ANKMY1: variants seen among roughly 807,000 people sequenced by gnomAD.
ANKMY1 encodes ankyrin repeat and MYND domain containing 1.
ANKMY1 carries 98 observed loss-of-function variants against 102.0 expected under a neutral mutation model. That is an observed-to-expected ratio of 0.96 (90% confidence interval 0.82 to 1.14). ANKMY1 has a LOEUF of 1.14. Ranked by LOEUF, ANKMY1 falls within the 50% of genes most tolerant of loss-of-function variation. The pLI is 0.00. For missense variants in ANKMY1, 1,330 were observed against 1,347.6 expected, an observed-to-expected ratio of 0.99 and a Z score of 0.20; for synonymous variants, 582 against 559.9, an observed-to-expected ratio of 1.04 and a Z score of -0.56.
chr2:240,479,723 T>A lies in ANKMY1; in HGVS notation c.3047-68A>T. On this transcript the variant is annotated intron_variant, in intron 17 of 17. Transcript: ENST00000401804. ...GAGCTGGCCTCCCCCGAGGCCTGGC[T>A]CCAGAACTCGGGCTGTGTGGGGCGG... 2.1e-6 allele frequency: 3 copies of A among 1,458,126 alleles called. No homozygotes were observed. The Admixed American group carries it at 5.0e-5, about 25-fold the overall frequency. 90.3% of individuals were successfully genotyped at this position (1,458,126 alleles called of 1,614,324 possible).
the ANKMY1 span, among the ~76,000 whole-genome samples, chr2:240,471,753 C>T: frequency 2.0e-5 from 3 of 152,286 alleles, no homozygotes; most frequent in South Asian, 6.2e-4. Context: ...GCTGGGAAAT[C>T]CTGATGGAGC....
intron 15 of ANKMY1, among the ~76,000 whole-genome samples, chr2:240,498,846 G>A (rs76340265): frequency 0.02 from 2,977 of 152,150 alleles, 93 homozygotes; most frequent in African/African-American, 0.068. Context: ...GGACACCCCC[G>A]CCTTCTCTCT....
chr2:240,557,359 G>A lies in ANKMY1; in HGVS notation c.-17-7C>T, dbSNP rs2092469069. ...ATGTCTGTGGTCTTCCAACCTGCAA[G>A]CGACGTCAGGACCGCACATGTGCCC... On this transcript the variant is annotated splice_polypyrimidine_tract_variant and splice_region_variant and intron_variant, in intron 1 of 17. Coordinates refer to ENST00000401804, the MANE Select transcript of ANKMY1 (RefSeq NM_001282771.3). 5 of 1,497,838 alleles carry A rather than the reference G, an allele frequency of 3.3e-6. No homozygotes were observed. The South Asian group carries it at 6.4e-5, about 19-fold the overall frequency. 92.8% of individuals were successfully genotyped at this position (1,497,838 alleles called of 1,614,324 possible). A position where few individuals can be genotyped will look rare whatever the true frequency, so the allele number is the denominator to read the frequency against.
intron 4 of ANKMY1, among the ~76,000 whole-genome samples, chr2:240,545,731 G>T (rs988609744): frequency 6.6e-6 from 1 of 152,144 alleles, no homozygotes; most frequent in Non-Finnish European, 1.5e-5. Flanking sequence ...CTCAGGAGCC[G>T]ATGCGATCAA....
rs962266519 is a variant in ANKMY1, at chr2:240,480,953, C to T, written c.3030G>A (p.Gly1010=). ...AWTEFHKKDC[G]DLVAIVTQLE... ...CCGACCTACCGATGGCCACCAGGTC[C>T]CCGCAGTCCTTCTTGTGGAACTCGG... The change falls in exon 17 of 18, where the codon GGG becomes GGA. Residue 1010 remains glycine (G), a synonymous_variant. Transcript: ENST00000401804. 1.9e-6 allele frequency: 3 copies of T among 1,610,378 alleles called. No homozygotes were observed. The highest frequency in any genetic ancestry group is 3.3e-5 in the Admixed American group (2 of 59,954).
intron 4 of ANKMY1, among the ~76,000 whole-genome samples, chr2:240,545,694 C>T (rs965789801): frequency 3.3e-5 from 5 of 151,988 alleles, no homozygotes; most frequent in African/African-American, 7.3e-5. Flanking sequence ...AACCAAGGCT[C>T]GAGAACTACG....
In ANKMY1 at chr2:240,512,870, G is replaced by A; in HGVS notation, c.2077C>T (p.Leu693=). 1 of 1,614,084 alleles carries A rather than the reference G, an allele frequency of 6.2e-7. No individual in the cohort carries two copies. Among genetic ancestry groups the A allele is most frequent in the Non-Finnish European group, 8.5e-7 (1 of 1,180,002 alleles). The change falls in exon 10 of 18, where the codon CTG becomes TTG. Residue 693 remains leucine, a synonymous_variant. Coordinates refer to ENST00000401804, the MANE Select transcript of ANKMY1 (RefSeq NM_001282771.3). ...TCCACATCGGTGATGGCATGCAACA[G>A]CAGCTCCACAATCTGTACCCCCTCC... ...GEEGVQIVEL[L]LHAITDVDAK...
downstream of ANKMY1, among the ~76,000 whole-genome samples, chr2:240,475,014 T>C (rs569794280): frequency 6.6e-6 from 1 of 152,254 alleles, no homozygotes; most frequent in South Asian, 2.1e-4. Flanking sequence ...CTTTCCACAA[T>C]GGCTGAACTA....
At chr2:240,523,765 G>C (rs2082783058) in intron 8 of ANKMY1, 120 bp downstream of exon 8, 1 of 1,428,824 alleles carries the variant, frequency 7.0e-7, no homozygotes, top group Non-Finnish European at 9.3e-7. Context: ...CACACATTCA[G>C]ACACACATCT....
intron 15 of ANKMY1, among the ~76,000 whole-genome samples, chr2:240,485,481 A>G (rs1406975644): frequency 6.6e-6 from 1 of 152,242 alleles, no homozygotes; most frequent in Non-Finnish European, 1.5e-5. Context: ...ATCTAGAACA[A>G]GTGGATTATT....
chr2:240,475,204 C>G (rs1479041784), downstream of ANKMY1, among the ~76,000 whole-genome samples: 1 of 152,150 alleles, frequency 6.6e-6, no homozygotes, highest in Admixed American at 6.5e-5. Flanking sequence ...TGCTTGTTGG[C>G]TAGATACATA....
rs1252672130 is a variant in ANKMY1 at position 240,512,075 on chromosome 2, G to A, written c.2146-74C>T. On this transcript the variant is annotated intron_variant, in intron 10 of 17. Transcript: ENST00000401804. ...CCACGGGAAGGCAAACGGAGCAAGG[G>A]AGCTTCCTCCCCAGCCTGCGGGTCT... 2.1e-6 allele frequency: 3 copies of A among 1,451,802 alleles called. No individual in the cohort carries two copies. The East Asian group carries it at 8.3e-5, about 40-fold the overall frequency. 89.9% of individuals were successfully genotyped at this position (1,451,802 alleles called of 1,614,324 possible).
At chr2:240,557,164 C>T (rs1357906846) in intron 2 of ANKMY1, 26 bp downstream of exon 2, 3 of 1,443,952 alleles carry the variant, frequency 2.1e-6, no homozygotes, top group East Asian at 2.6e-5. Flanking sequence ...CAGGGTCGGA[C>T]CTCCCCGCTG....
chr2:240,471,259 TC>T, the ANKMY1 span, among the ~76,000 whole-genome samples: 1 of 127,776 alleles, frequency 7.8e-6, no homozygotes, highest in South Asian at 2.6e-4. Context: ...GAACTCAAAT[TC>T]TTTTTTTTTT....
chr2:240,526,149 G>T, intron 6 of ANKMY1, 80 bp downstream of exon 6: 1 of 1,520,952 alleles, frequency 6.6e-7, no homozygotes, highest in Non-Finnish European at 9.1e-7. Flanking sequence ...CCTGCAGAGG[G>T]GGCCACAGAG....
At chr2:240,511,328 G>C (rs1376480212) in intron 11 of ANKMY1, among the ~76,000 whole-genome samples, 1 of 152,252 alleles carries the variant, frequency 6.6e-6, no homozygotes, top group East Asian at 1.9e-4. Context: ...ACTGGCTTGG[G>C]CTGCATCTGC....
intron 4 of ANKMY1, among the ~76,000 whole-genome samples, chr2:240,539,121 C>G (rs560878845): frequency 1.3e-5 from 2 of 152,320 alleles, no homozygotes; most frequent in South Asian, 4.1e-4. Context: ...CCACTGGGGT[C>G]CCCTTCCACA....
chr2:240,523,338 C>G (rs1316804730), intron 8 of ANKMY1: 1 of 158,792 alleles, frequency 6.3e-6, no homozygotes, highest in Non-Finnish European at 1.4e-5. Context: ...GCCCTGTCTT[C>G]ATACCATCCA....
chr2:240,542,051 T>G (rs1469581357), intron 4 of ANKMY1, among the ~76,000 whole-genome samples: 1 of 151,314 alleles, frequency 6.6e-6, no homozygotes, highest in African/African-American at 2.4e-5. Context: ...CTACTAAAAA[T>G]ACAAAAATTA....
Sources: gnomAD v4.1 joint callset for allele counts (sites outside exome capture counted in the v4.1 genomes callset) on GRCh38, gnomAD v4.1.1 for gene constraint, MANE v1.5 for transcripts, NCBI Gene and HGNC (gene_info 2026-07-23, HGNC 2026-07-21) for gene names.